The following GNAQ variants were observed in gnomAD, a reference collection of about 807,000 sequenced individuals.
GNAQ encodes the protein guanine nucleotide-binding protein G(q) subunit alpha.
GNAQ carries 8 observed loss-of-function variants against 43.9 expected under a neutral mutation model. The ratio of observed to expected loss-of-function variants is 0.18; its 90% confidence interval spans 0.11 to 0.33. GNAQ has a LOEUF of 0.33. GNAQ is among the 10% of genes least tolerant of loss of function. GNAQ has a pLI of 1.00. For synonymous variants in GNAQ, 155 were observed against 170.7 expected (o/e 0.91, Z 0.71); for missense variants, 158 against 450.8 (o/e 0.35, Z 5.88).
intron 2 of GNAQ, among the ~76,000 whole-genome samples, chr9:77,871,419 G>A (rs184146865): frequency 5.9e-5 from 9 of 152,272 alleles, no homozygotes; most frequent in African/African-American, 2.2e-4. Flanking sequence ...GCTGAGAAAG[G>A]TGATTTTCAA....
intron 1 of GNAQ, among the ~76,000 whole-genome samples, chr9:77,979,356 C>CAAA (rs11417939): frequency 4.3e-5 from 6 of 140,858 alleles, no homozygotes; most frequent in Admixed American, 7.1e-5. Context: ...GACTCTGTCT[C>CAAA]AAAAAAAAAA....
Position 78,031,203 on chromosome 9 carries a change from C to T in GNAQ, c.33G>A (p.Leu11=). Residue 11 remains leucine (L), a synonymous_variant, in exon 1 of 7, where the codon CTG becomes CTA. Coordinates refer to ENST00000286548, the MANE Select transcript of GNAQ (RefSeq NM_002072.5). MTLESIMACC[L]SEEAKEARRI... ...GCCGGGCTTCCTTGGCCTCCTCGCT[C>T]AGGCAGCACGCCATGATGGACTCCA... 1 of 1,551,384 alleles carries T rather than the reference C, an allele frequency of 6.4e-7. No individual in the cohort carries two copies. The highest frequency in any genetic ancestry group is 8.7e-7 in the Non-Finnish European group (1 of 1,148,718).
At chr9:77,814,016 T>C (rs1257328632) in intron 3 of GNAQ, among the ~76,000 whole-genome samples, 1 of 151,652 alleles carries the variant, frequency 6.6e-6, no homozygotes, top group African/African-American at 2.4e-5. Context: ...GGAGGGTAAA[T>C]AAGCAGACAG....
intron 1 of GNAQ, among the ~76,000 whole-genome samples, chr9:77,923,688 C>A (rs930425097): frequency 2.0e-5 from 3 of 151,590 alleles, no homozygotes; most frequent in Non-Finnish European, 4.4e-5. Flanking sequence ...ATATTAAAGA[C>A]GGAATAATAG....
At chr9:77,769,244 A>G (rs934285103) in intron 5 of GNAQ, among the ~76,000 whole-genome samples, 2 of 152,082 alleles carry the variant, frequency 1.3e-5, no homozygotes, top group Non-Finnish European at 2.9e-5. Flanking sequence ...CTACCAAAAC[A>G]TAAAAATATT....
intron 1 of GNAQ, among the ~76,000 whole-genome samples, chr9:77,983,184 G>A (rs1469653857): frequency 6.6e-6 from 1 of 152,196 alleles, no homozygotes; most frequent in East Asian, 1.9e-4. Flanking sequence ...TCACTTGCCA[G>A]CTAGTTCTAT....
intron 3 of GNAQ, among the ~76,000 whole-genome samples, chr9:77,814,794 A>G (rs1362493388): frequency 3.9e-5 from 6 of 152,308 alleles, no homozygotes; most frequent in African/African-American, 1.2e-4. Context: ...CCCAGATCCA[A>G]AACAAGAGGC....
At chr9:77,832,291 T>TC (rs1447126731) in intron 2 of GNAQ, among the ~76,000 whole-genome samples, 7 of 152,152 alleles carry the variant, frequency 4.6e-5, no homozygotes, top group African/African-American at 1.7e-4. Context: ...AATCCAGATG[T>TC]CCAGTAACAA....
At chr9:77,783,506 C>A (rs1826429227) in intron 5 of GNAQ, among the ~76,000 whole-genome samples, 1 of 152,016 alleles carries the variant, frequency 6.6e-6, no homozygotes. Context: ...TCTACAGACT[C>A]TGCTTCTTTC....
At chr9:77,793,042 C>CA (rs1345681489) in intron 5 of GNAQ, among the ~76,000 whole-genome samples, 1 of 151,776 alleles carries the variant, frequency 6.6e-6, no homozygotes, top group Admixed American at 6.6e-5. Flanking sequence ...ACACAACATT[C>CA]AAAAAAATCA....
chr9:77,859,978 C>T (rs1827817322), intron 2 of GNAQ, among the ~76,000 whole-genome samples: 1 of 152,110 alleles, frequency 6.6e-6, no homozygotes, highest in African/African-American at 2.4e-5. Flanking sequence ...AGAAAAAAAT[C>T]CCTACATAAA....
At chr9:77,855,389 C>G (rs528104769) in intron 2 of GNAQ, among the ~76,000 whole-genome samples, 3 of 152,188 alleles carry the variant, frequency 2.0e-5, no homozygotes, top group Admixed American at 6.5e-5. Flanking sequence ...AACGAAAGAA[C>G]CTGTGGCTTC....
At chr9:77,883,171 T>A (rs951862187) in intron 2 of GNAQ, among the ~76,000 whole-genome samples, 8 of 152,166 alleles carry the variant, frequency 5.3e-5, no homozygotes, top group Admixed American at 3.3e-4. Flanking sequence ...AACTGAAATA[T>A]AACTGATGTC....
intron 1 of GNAQ, among the ~76,000 whole-genome samples, chr9:78,016,080 A>T (rs1823834712): frequency 6.6e-6 from 1 of 152,214 alleles, no homozygotes; most frequent in African/African-American, 2.4e-5. Context: ...TTGAAACCCC[A>T]CATCACACCA....
chr9:77,791,888 A>T (rs1826580200), intron 5 of GNAQ, among the ~76,000 whole-genome samples: 1 of 152,168 alleles, frequency 6.6e-6, no homozygotes, highest in Admixed American at 6.5e-5. Context: ...ACCAAGAACA[A>T]AATGTTTCTG....
chr9:77,808,932 T>C (rs1345852613), intron 3 of GNAQ, among the ~76,000 whole-genome samples: 1 of 151,966 alleles, frequency 6.6e-6, no homozygotes, highest in Non-Finnish European at 1.5e-5. Flanking sequence ...ATGGATACAA[T>C]GGCCAAACCA....
At chr9:77,810,062 T>A (rs1232669068) in intron 3 of GNAQ, among the ~76,000 whole-genome samples, 1 of 152,202 alleles carries the variant, frequency 6.6e-6, no homozygotes, top group African/African-American at 2.4e-5. Flanking sequence ...TTTATAAATA[T>A]GAAACTGTCT....
At chr9:77,909,347 T>C (rs887861746) in intron 2 of GNAQ, among the ~76,000 whole-genome samples, 1 of 152,140 alleles carries the variant, frequency 6.6e-6, no homozygotes, top group African/African-American at 2.4e-5. Context: ...GATAGTAAAA[T>C]GGCTAGAAGA....
intron 1 of GNAQ, among the ~76,000 whole-genome samples, chr9:77,953,995 C>T (rs1286589969): frequency 6.6e-6 from 1 of 152,038 alleles, no homozygotes; most frequent in African/African-American, 2.4e-5. Flanking sequence ...ATTTTGTATC[C>T]CACTTTACCA....
Sources: gnomAD v4.1 joint callset for allele counts (sites outside exome capture counted in the v4.1 genomes callset) on GRCh38, gnomAD v4.1.1 for gene constraint, MANE v1.5 for transcripts, NCBI Gene and HGNC (gene_info 2026-07-23, HGNC 2026-07-21) for gene names.